The following WDR70 variants were observed in gnomAD, a reference collection of about 807,000 sequenced individuals.
WDR70 encodes WD repeat domain 70.
A neutral mutation model predicts 88.6 loss-of-function variants in WDR70; 53 were observed. That is an observed-to-expected ratio of 0.60 (90% CI 0.48 to 0.75). The LOEUF (loss-of-function observed/expected upper bound fraction) is 0.75. WDR70 is among the 30% of genes least tolerant of loss of function. The pLI is 0.00. For synonymous variants in WDR70, 280 were observed against 270.0 expected, an observed-to-expected ratio of 1.04 and a Z score of -0.36; for missense variants, 610 against 823.2, an observed-to-expected ratio of 0.74 and a Z score of 3.17.
At chr5:37,547,179 T>G (rs1287346450) in intron 9 of WDR70, among the ~76,000 whole-genome samples, 1 of 152,208 alleles carries the variant, frequency 6.6e-6, no homozygotes, top group Non-Finnish European at 1.5e-5. Context: ...GTGACCCTGT[T>G]GGCCATTTAT....
At chr5:37,707,949 ATATATATATATATATATATATATATAT>A (rs1747403873) in intron 13 of WDR70, among the ~76,000 whole-genome samples, 1 of 13,466 alleles carries the variant, frequency 7.4e-5, no homozygotes, top group Non-Finnish European at 1.3e-4. Flanking sequence ...AAAAAAAAAA[ATATATATATATATATATATATATATAT>A]ATATATATAT....
chr5:37,607,184 C>T (rs1218815371), intron 10 of WDR70, among the ~76,000 whole-genome samples: 1 of 151,670 alleles, frequency 6.6e-6, no homozygotes, highest in Non-Finnish European at 1.5e-5. Context: ...CTCAGGGATC[C>T]ACCCACCTTG....
intron 11 of WDR70, among the ~76,000 whole-genome samples, chr5:37,698,650 C>A (rs1747053879): frequency 6.6e-6 from 1 of 152,126 alleles, no homozygotes; most frequent in Non-Finnish European, 1.5e-5. Context: ...TGGGTGTAAA[C>A]CTTAAACATC....
intron 10 of WDR70, among the ~76,000 whole-genome samples, chr5:37,696,018 C>T (rs1049429898): frequency 6.6e-6 from 1 of 152,134 alleles, no homozygotes; most frequent in Non-Finnish European, 1.5e-5. Flanking sequence ...GGGTTAGGAC[C>T]TTCTCAGTGC....
chr5:37,450,863 A>G (rs898813155), intron 7 of WDR70, among the ~76,000 whole-genome samples: 10 of 151,778 alleles, frequency 6.6e-5, no homozygotes, highest in East Asian at 1.9e-4. Context: ...GTCTGTGTCT[A>G]TGTGTGTGTT....
chr5:37,465,767 T>C (rs1279357679), intron 7 of WDR70, among the ~76,000 whole-genome samples: 1 of 142,044 alleles, frequency 7.0e-6, no homozygotes, highest in African/African-American at 2.6e-5. Context: ...TAAAAAGATG[T>C]TCTTATTTAT....
At chr5:37,421,328 G>C (rs1749940044) in intron 5 of WDR70, among the ~76,000 whole-genome samples, 1 of 152,180 alleles carries the variant, frequency 6.6e-6, no homozygotes, top group Non-Finnish European at 1.5e-5. Flanking sequence ...GGTTCTGACT[G>C]TTTCATGCAT....
intron 7 of WDR70, among the ~76,000 whole-genome samples, chr5:37,450,655 C>T (rs373272819): frequency 2.4e-4 from 37 of 152,070 alleles, no homozygotes; most frequent in East Asian, 9.7e-4. Flanking sequence ...TTAAATTTAG[C>T]GTTACAGAAT....
intron 9 of WDR70, among the ~76,000 whole-genome samples, chr5:37,524,605 T>C (rs1439611129): frequency 1.3e-5 from 2 of 152,144 alleles, no homozygotes; most frequent in African/African-American, 4.8e-5. Context: ...AACATCATAA[T>C]GACAGGATCA....
intron 10 of WDR70, among the ~76,000 whole-genome samples, chr5:37,667,839 G>A (rs886302438): frequency 4.3e-5 from 4 of 93,118 alleles, no homozygotes; most frequent in Admixed American, 1.6e-4. Context: ...TAGTCTGTAC[G>A]ATCTGAAAAA....
rs1554144047 is a variant in WDR70, at chr5:37,499,587, T to TTTTCTCTCTCTCTCTCTCTTTTTC, written c.841-16926_841-16925insTTCTCTCTCTCTCTCTCTTTTTCT. On this transcript the variant is annotated intron_variant, in intron 8 of 17. Coordinates refer to ENST00000265107, the MANE Select transcript of WDR70 (RefSeq NM_018034.4). Reference sequence around the variant, plus strand: ...TTTTTAAATATGTGATTTGGAAATATTCTCTCTCTCTCTCTCTCTCTCTCT... The same window carrying TTTTCTCTCTCTCTCTCTCTTTTTC: ...TTTTTAAATATGTGATTTGGAAATATTTTCTCTCTCTCTCTCTCTTTTTCTCTCTCTCTCTCTCTCTCTCTCTCT... 9.6e-4 allele frequency among the ~76,000 whole-genome samples: 40 copies of TTTTCTCTCTCTCTCTCTCTTTTTC among 41,868 alleles called. 4 individuals are homozygous for TTTTCTCTCTCTCTCTCTCTTTTTC. The highest frequency in any genetic ancestry group is 1.8e-3 in the African/African-American group (31 of 17,020). 27.5% of individuals were successfully genotyped at this position (41,868 alleles called of 152,430 possible).
intron 9 of WDR70, among the ~76,000 whole-genome samples, chr5:37,552,772 G>T (rs1561898861): frequency 6.6e-6 from 1 of 152,154 alleles, no homozygotes; most frequent in Non-Finnish European, 1.5e-5. Flanking sequence ...CACCAGCCTT[G>T]AGCTGAATGC....
At chr5:37,675,643 A>G (rs1453549553) in intron 10 of WDR70, among the ~76,000 whole-genome samples, 1 of 152,086 alleles carries the variant, frequency 6.6e-6, no homozygotes, top group Non-Finnish European at 1.5e-5. Context: ...GTAGCCTTGT[A>G]CTATAGTTTG....
At chr5:37,679,513 C>A (rs988038980) in intron 10 of WDR70, among the ~76,000 whole-genome samples, 4 of 152,208 alleles carry the variant, frequency 2.6e-5, no homozygotes, top group Non-Finnish European at 5.9e-5. Context: ...CCCTGTTTGC[C>A]TGGGTATCAG....
At chr5:37,462,295 T>TTAAG (rs1211724006) in intron 7 of WDR70, among the ~76,000 whole-genome samples, 20 of 151,996 alleles carry the variant, frequency 1.3e-4, no homozygotes, top group Non-Finnish European at 2.9e-5. Context: ...TTGCAAGTCC[T>TTAAG]TAATTAATTA....
rs765190732 is a variant in WDR70, at chr5:37,414,601, G to GTTT, written c.492+18048_492+18050dup. ...AATGTAAGTTCTATGAGGACAGTCT[G>GTTT]TTTTTTTTTTTTTTTTTTTACTGCT... On this transcript the variant is annotated intron_variant, in intron 5 of 17. Coordinates refer to ENST00000265107, the MANE Select transcript of WDR70 (RefSeq NM_018034.4). Among the ~76,000 whole-genome samples the GTTT allele has an allele frequency of 2.9e-3, 349 of 121,274 alleles. 3 individuals carry two copies. The highest frequency in any genetic ancestry group is 9.4e-3 in the African/African-American group (317 of 33,672). The allele number at this position is 121,274 out of a possible 152,430, so 79.6% of individuals were successfully genotyped here.
At chr5:37,473,608 T>G (rs1296078041) in intron 7 of WDR70, among the ~76,000 whole-genome samples, 1 of 152,188 alleles carries the variant, frequency 6.6e-6, no homozygotes, top group Non-Finnish European at 1.5e-5. Flanking sequence ...CCTCCCAACG[T>G]GCTGGGATTA....
At chr5:37,729,125 T>C (rs931443870) in intron 17 of WDR70, among the ~76,000 whole-genome samples, 1 of 152,052 alleles carries the variant, frequency 6.6e-6, no homozygotes, top group Non-Finnish European at 1.5e-5. Flanking sequence ...CGCCTATATA[T>C]TTTTTTAGTA....
intron 9 of WDR70, among the ~76,000 whole-genome samples, chr5:37,528,528 A>G (rs1741375119): frequency 6.6e-6 from 1 of 152,196 alleles, no homozygotes; most frequent in Non-Finnish European, 1.5e-5. Flanking sequence ...TACCTAATGT[A>G]AATGATGAGT....
Sources: gnomAD v4.1 joint callset for allele counts (sites outside exome capture counted in the v4.1 genomes callset) on GRCh38, gnomAD v4.1.1 for gene constraint, MANE v1.5 for transcripts, NCBI Gene and HGNC (gene_info 2026-07-23, HGNC 2026-07-21) for gene names.